The following NREP variants were observed in gnomAD, a reference collection of about 807,000 sequenced individuals.
The protein encoded by NREP is neuronal regeneration-related protein.
NREP carries 5 observed loss-of-function variants against 8.6 expected under a neutral mutation model. The observed-to-expected ratio is 0.58, with a 90% CI of 0.30 to 1.22. The LOEUF (loss-of-function observed/expected upper bound fraction) is 1.22. Among genes scored for constraint, NREP ranks in the 50% most tolerant of loss-of-function variants. NREP has a pLI of 0.07. For missense variants in NREP, 86 were observed against 82.5 expected, an observed-to-expected ratio of 1.04 and a Z score of -0.17; for synonymous variants, 27 against 28.0, an observed-to-expected ratio of 0.96 and a Z score of 0.11.
At position 111,731,180 on chromosome 5, in the gene NREP, CA is replaced by C. The variant is rs903696276; in HGVS notation, c.82-135del. ...ATACCCTTGAACTCTTGCTGTTTTG[CA>C]AAACAGAGTTTACATATTAAACACA... On this transcript the variant is annotated intron_variant, in intron 3 of 3. Transcript: ENST00000257435. 4.6e-6 allele frequency: 4 copies of C among 862,518 alleles called. No homozygotes were observed. In the African/African-American group the frequency reaches 6.8e-5, roughly 15 times the overall value. The allele number at this position is 862,518 out of a possible 1,614,324, so 53.4% of individuals were successfully genotyped here.
At chr5:111,894,490 T>A (rs565945198) in intron 2 of NREP, among the ~76,000 whole-genome samples, 1 of 152,134 alleles carries the variant, frequency 6.6e-6, no homozygotes, top group African/African-American at 2.4e-5. Flanking sequence ...TAACAAGATT[T>A]GAATATGGTG....
intron 1 of NREP, chr5:111,976,630 G>A (rs1169593599): frequency 8.2e-7 from 1 of 1,215,652 alleles, no homozygotes; most frequent in Admixed American, 2.2e-5. Context: ...CAGTGAGGCA[G>A]AGACAAACAT....
intron 2 of NREP, among the ~76,000 whole-genome samples, chr5:111,899,802 T>A (rs1054373472): frequency 6.6e-6 from 1 of 152,210 alleles, no homozygotes; most frequent in Non-Finnish European, 1.5e-5. Flanking sequence ...CACTAGAGCA[T>A]GTAGATGAAT....
chr5:111,849,228 G>C (rs1170284702), intron 2 of NREP, among the ~76,000 whole-genome samples: 1 of 152,046 alleles, frequency 6.6e-6, no homozygotes, highest in African/African-American at 2.4e-5. Context: ...GACGATAGGA[G>C]GAATCCAAGC....
chr5:111,917,368 C>A (rs1459489301), intron 2 of NREP, among the ~76,000 whole-genome samples: 1 of 152,206 alleles, frequency 6.6e-6, no homozygotes, highest in South Asian at 2.1e-4. Flanking sequence ...ATGAGGCCAG[C>A]ATCATCCTGA....
intron 2 of NREP, among the ~76,000 whole-genome samples, chr5:111,822,892 T>C (rs147138510): frequency 1.3e-5 from 2 of 152,180 alleles, no homozygotes; most frequent in African/African-American, 4.8e-5. Flanking sequence ...CTGGAATCAA[T>C]AAATAAGAAT....
chr5:111,967,925 G>A (rs536436314), intron 2 of NREP, among the ~76,000 whole-genome samples: 23 of 151,844 alleles, frequency 1.5e-4, no homozygotes, highest in African/African-American at 3.6e-4. Flanking sequence ...TTCTACCATG[G>A]ATGAGCAGAA....
intron 2 of NREP, among the ~76,000 whole-genome samples, chr5:111,902,961 G>T (rs1323903484): frequency 3.3e-5 from 5 of 152,048 alleles, no homozygotes; most frequent in African/African-American, 9.7e-5. Context: ...CAGTTCTTCA[G>T]GGATAGACTA....
intron 2 of NREP, among the ~76,000 whole-genome samples, chr5:111,903,034 T>C (rs1175754648): frequency 6.6e-6 from 1 of 151,878 alleles, no homozygotes; most frequent in Non-Finnish European, 1.5e-5. Flanking sequence ...TTATATTTTA[T>C]ATTTTTATCT....
At chr5:111,754,536 T>A (rs1020959301) in intron 2 of NREP, among the ~76,000 whole-genome samples, 13 of 152,220 alleles carry the variant, frequency 8.5e-5, no homozygotes, top group African/African-American at 2.9e-4. Flanking sequence ...GTTGATTTTA[T>A]TACCATCCTA....
intron 2 of NREP, among the ~76,000 whole-genome samples, chr5:111,974,965 G>A (rs750791493): frequency 2.0e-5 from 3 of 152,220 alleles, no homozygotes; most frequent in South Asian, 2.1e-4. Context: ...CAAGAATGGA[G>A]GGAATGCTGA....
intron 2 of NREP, among the ~76,000 whole-genome samples, chr5:111,846,818 AC>A (rs1236005255): frequency 1.8e-4 from 28 of 152,262 alleles, no homozygotes; most frequent in Admixed American, 1.6e-3. Flanking sequence ...CACTAGCTTA[AC>A]CATGCCTAAG....
chr5:111,864,342 C>T (rs1753618460), intron 2 of NREP, among the ~76,000 whole-genome samples: 1 of 152,028 alleles, frequency 6.6e-6, no homozygotes, highest in African/African-American at 2.4e-5. Context: ...GTTAAGAAGG[C>T]ATGCAGTGCT....
intron 2 of NREP, among the ~76,000 whole-genome samples, chr5:111,886,772 T>C (rs1362420651): frequency 1.4e-5 from 2 of 145,754 alleles, no homozygotes; most frequent in Non-Finnish European, 1.5e-5. Flanking sequence ...AACTGAACAA[T>C]GAGACCACAT....
At chr5:111,871,927 GTATA>G (rs779011142) in intron 2 of NREP, among the ~76,000 whole-genome samples, 3 of 149,286 alleles carry the variant, frequency 2.0e-5, no homozygotes, top group African/African-American at 7.3e-5. Flanking sequence ...TTCAGTGTGT[GTATA>G]TATATCCTAT....
Position 111,730,929 on chromosome 5 carries a change from A to AG in NREP, c.198dup (p.Phe67LeufsTer18). The AG allele has an allele frequency of 6.2e-7, 1 of 1,613,920 alleles. No homozygotes were observed. Among genetic ancestry groups the AG allele is most frequent in the African/African-American group, 1.3e-5 (1 of 75,044 alleles). Reference sequence around the variant, plus strand: ...AAATGGAGGTGTTACGATTAAAAAAAGTGGAGGTAACTGATTCTTGGGGAG... The same window carrying AG: ...AAATGGAGGTGTTACGATTAAAAAAAGGTGGAGGTAACTGATTCTTGGGGAG... On this transcript the variant is annotated frameshift_variant, in exon 4 of 4. Coordinates refer to ENST00000257435, the MANE Select transcript of NREP (RefSeq NM_004772.4). LOFTEE classifies it high-confidence loss of function.
chr5:111,933,069 T>A (rs562016026), intron 2 of NREP, among the ~76,000 whole-genome samples: 1 of 152,126 alleles, frequency 6.6e-6, no homozygotes, highest in Admixed American at 6.5e-5. Flanking sequence ...TCCTTAGCAT[T>A]ATAACTTTGA....
chr5:111,823,630 A>T (rs537866210), intron 2 of NREP, among the ~76,000 whole-genome samples: 1 of 152,212 alleles, frequency 6.6e-6, no homozygotes, highest in Non-Finnish European at 1.5e-5. Flanking sequence ...ATTGTCTATA[A>T]TTTTATTATT....
intron 2 of NREP, among the ~76,000 whole-genome samples, chr5:111,818,277 C>T (rs1452230130): frequency 6.6e-6 from 1 of 152,166 alleles, no homozygotes; most frequent in Non-Finnish European, 1.5e-5. Flanking sequence ...AAGGTGTCAA[C>T]AATTTTAAAC....
Sources: gnomAD v4.1 joint callset for allele counts (sites outside exome capture counted in the v4.1 genomes callset) on GRCh38, gnomAD v4.1.1 for gene constraint, MANE v1.5 for transcripts, NCBI Gene and HGNC (gene_info 2026-07-23, HGNC 2026-07-21) for gene names.